Variants in RALGPS2 observed in about 807,000 individuals in gnomAD.
RALGPS2 encodes ras-specific guanine nucleotide-releasing factor RalGPS2.
Under a neutral mutation model 86.8 loss-of-function variants are expected in RALGPS2, and 43 were observed. The observed-to-expected ratio is 0.50, with a 90% CI of 0.39 to 0.64. The LOEUF (loss-of-function observed/expected upper bound fraction) is 0.64. Ranked by LOEUF, RALGPS2 falls within the 30% of genes least tolerant of loss-of-function variation. The pLI, the probability that RALGPS2 is intolerant of heterozygous loss-of-function variation, is 0.00. For synonymous variants in RALGPS2, 243 were observed against 231.3 expected (o/e 1.05, Z -0.46); for missense variants, 536 against 694.6 (o/e 0.77, Z 2.57).
chr1:178,912,825 G>T (rs887367189), intron 19 of RALGPS2, among the ~76,000 whole-genome samples: 19 of 152,076 alleles, frequency 1.2e-4, no homozygotes, highest in East Asian at 7.7e-4. Context: ...GTGAGTCATA[G>T]GTTTAGTCTC....
At chr1:178,903,061 C>G (rs1167726627) in intron 18 of RALGPS2, among the ~76,000 whole-genome samples, 1 of 152,078 alleles carries the variant, frequency 6.6e-6, no homozygotes, top group East Asian at 1.9e-4. Context: ...AAAATATCCC[C>G]AAGTGGTTGC....
At chr1:178,900,315 G>T (rs1296411603) in intron 17 of RALGPS2, among the ~76,000 whole-genome samples, 7 of 151,868 alleles carry the variant, frequency 4.6e-5, no homozygotes, top group Non-Finnish European at 1.0e-4. Flanking sequence ...AGAACAGTTT[G>T]TGTGGGTAGA....
chr1:178,856,202 G>GAGAGATATATATATATATAT (rs1428022812), intron 8 of RALGPS2, among the ~76,000 whole-genome samples: 12 of 83,906 alleles, frequency 1.4e-4, no homozygotes, highest in African/African-American at 7.7e-4. Flanking sequence ...GAGAGAGAGA[G>GAGAGATATATATATATATAT]ATATATATAT....
intron 1 of RALGPS2, among the ~76,000 whole-genome samples, chr1:178,744,096 A>G (rs1006442072): frequency 1.2e-4 from 19 of 152,234 alleles, no homozygotes; most frequent in Admixed American, 1.2e-3. Context: ...GAGCATACAT[A>G]CAAAAGTTCT....
chr1:178,835,474 C>A (rs1384271693), intron 8 of RALGPS2, among the ~76,000 whole-genome samples: 1 of 149,956 alleles, frequency 6.7e-6, no homozygotes, highest in Non-Finnish European at 1.5e-5. Flanking sequence ...CTCACTGCAA[C>A]CTCCGCCTCC....
At chr1:178,778,146 T>C (rs1653191172) in intron 2 of RALGPS2, among the ~76,000 whole-genome samples, 1 of 128,212 alleles carries the variant, frequency 7.8e-6, no homozygotes, top group Non-Finnish European at 1.6e-5. Flanking sequence ...CCTACTCATC[T>C]GACAAAGTGC....
intron 3 of RALGPS2, among the ~76,000 whole-genome samples, chr1:178,784,842 A>G (rs1296600706): frequency 2.0e-5 from 3 of 152,090 alleles, no homozygotes; most frequent in Non-Finnish European, 4.4e-5. Flanking sequence ...GACATATCTA[A>G]GAAACATTTT....
chr1:178,767,089 T>C (rs567961425), intron 1 of RALGPS2, among the ~76,000 whole-genome samples: 1 of 152,340 alleles, frequency 6.6e-6, no homozygotes, highest in South Asian at 2.1e-4. Context: ...AAAATGACCA[T>C]TTCATCTTTT....
At chr1:178,845,952 A>G (rs1182979705) in intron 8 of RALGPS2, among the ~76,000 whole-genome samples, 1 of 152,180 alleles carries the variant, frequency 6.6e-6, no homozygotes, top group African/African-American at 2.4e-5. Flanking sequence ...AGTTAATGAC[A>G]TTTTTAAAGC....
chr1:178,773,609 A>C (rs1652914843), intron 1 of RALGPS2, among the ~76,000 whole-genome samples: 2 of 152,064 alleles, frequency 1.3e-5, no homozygotes, highest in African/African-American at 4.8e-5. Context: ...CTCCTGGCTA[A>C]CACGGTGAAA....
intron 19 of RALGPS2, among the ~76,000 whole-genome samples, 165 bp from the exon 20 acceptor site, chr1:178,916,165 C>T (rs1195182489): frequency 2.6e-5 from 4 of 152,290 alleles, no homozygotes; most frequent in African/African-American, 9.6e-5. Flanking sequence ...CAAAAATGTT[C>T]TAGCATGTTA....
At chr1:178,799,350 C>G (rs1255704540) in intron 4 of RALGPS2, among the ~76,000 whole-genome samples, 2 of 151,302 alleles carry the variant, frequency 1.3e-5, no homozygotes, top group South Asian at 2.1e-4. Context: ...GTTTTTAATA[C>G]AGATGAAAGT....
intron 16 of RALGPS2, among the ~76,000 whole-genome samples, chr1:178,895,109 T>C (rs530205406): frequency 6.6e-6 from 1 of 152,178 alleles, no homozygotes; most frequent in East Asian, 1.9e-4. Flanking sequence ...GCTCTTAATA[T>C]GTATCAAAGA....
intron 14 of RALGPS2, among the ~76,000 whole-genome samples, chr1:178,891,385 A>G (rs749238172): frequency 6.6e-6 from 1 of 152,150 alleles, no homozygotes; most frequent in African/African-American, 2.4e-5. Flanking sequence ...GAATGTTGAC[A>G]TACCATTTTC....
At chr1:178,841,202 G>A (rs559214486) in intron 8 of RALGPS2, among the ~76,000 whole-genome samples, 31 of 151,868 alleles carry the variant, frequency 2.0e-4, no homozygotes, top group African/African-American at 6.8e-4. Context: ...AACAAAAAAA[G>A]AGAATTTTAG....
chr1:178,890,412 T>C (rs1165800812), intron 14 of RALGPS2, among the ~76,000 whole-genome samples: 1 of 151,998 alleles, frequency 6.6e-6, no homozygotes, highest in East Asian at 1.9e-4. Context: ...GGTATTTGGC[T>C]TTTGACCAAA....
At chr1:178,887,070 GA>G (rs1572452109) in intron 13 of RALGPS2, among the ~76,000 whole-genome samples, 1 of 152,294 alleles carries the variant, frequency 6.6e-6, no homozygotes, top group East Asian at 1.9e-4. Context: ...AGGGATGTGA[GA>G]TTAAGAGAGG....
chr1:178,814,934 TC>T, intron 6 of RALGPS2, among the ~76,000 whole-genome samples: 1 of 152,374 alleles, frequency 6.6e-6, no homozygotes, highest in East Asian at 1.9e-4. Flanking sequence ...TAATTGCTTT[TC>T]ATTGAATCTG....
At chr1:178,823,565 G>T (rs1421895883) in intron 7 of RALGPS2, among the ~76,000 whole-genome samples, 1 of 152,176 alleles carries the variant, frequency 6.6e-6, no homozygotes, top group Non-Finnish European at 1.5e-5. Flanking sequence ...CATTTATTTG[G>T]ATATCTGGGA....
Sources: allele counts gnomAD v4.1 joint callset (sites outside exome capture counted in the v4.1 genomes callset), GRCh38; gene constraint gnomAD v4.1.1; transcripts MANE v1.5; gene names NCBI Gene and HGNC (gene_info 2026-07-23, HGNC 2026-07-21).